Variants in OVOL2 observed in about 807,000 individuals in gnomAD.
OVOL2 encodes ovo like zinc finger 2.
A neutral mutation model predicts 18.1 loss-of-function variants in OVOL2; 13 were observed. The observed-to-expected ratio is 0.72, with a 90% confidence interval of 0.47 to 1.14. OVOL2 has a LOEUF of 1.14. Among genes scored for constraint, OVOL2 ranks in the 50% most tolerant of loss-of-function variants. The probability of loss-of-function intolerance (pLI) is 0.00; values close to 1 mark genes in which losing one functional copy is unlikely to be tolerated. For synonymous variants in OVOL2, 166 were observed against 162.7 expected (o/e 1.02, Z -0.16); for missense variants, 335 against 383.0 (o/e 0.87, Z 1.05).
At chr20:18,049,321 A>C (rs540439994) in intron 2 of OVOL2, among the ~76,000 whole-genome samples, 71 of 152,230 alleles carry the variant, frequency 4.7e-4, no homozygotes, top group African/African-American at 1.6e-3. Flanking sequence ...CAGATCATTC[A>C]CCTGTCAAAC....
intron 3 of OVOL2, 28 bp from the exon 4 acceptor site, chr20:18,024,980 T>C: frequency 5.0e-6 from 8 of 1,590,016 alleles, no homozygotes; most frequent in Non-Finnish European, 6.9e-6. Context: ...AGACACAGCA[T>C]CGGTTGGTCA....
intron 3 of OVOL2, among the ~76,000 whole-genome samples, chr20:18,036,731 C>T (rs2036618163): frequency 6.6e-6 from 1 of 152,076 alleles, no homozygotes; most frequent in Non-Finnish European, 1.5e-5. Flanking sequence ...CTCACACGCT[C>T]ACAGGCTCCT....
At chr20:18,036,994 G>A (rs930939743) in intron 3 of OVOL2, among the ~76,000 whole-genome samples, 5 of 151,918 alleles carry the variant, frequency 3.3e-5, no homozygotes, top group East Asian at 3.9e-4. Context: ...AAATTAGCCA[G>A]GCTTGGTAGC....
chr20:18,048,073 G>T (rs1022858581), intron 2 of OVOL2, among the ~76,000 whole-genome samples: 1 of 150,966 alleles, frequency 6.6e-6, no homozygotes, highest in Non-Finnish European at 1.5e-5. Flanking sequence ...GATCACCTGA[G>T]GTCAGGAGTT....
At chr20:18,026,526 C>T (rs1185694768) in intron 3 of OVOL2, among the ~76,000 whole-genome samples, 2 of 152,056 alleles carry the variant, frequency 1.3e-5, no homozygotes, top group Admixed American at 6.6e-5. Context: ...GAACTACAGG[C>T]ACCCGCCACC....
rs148938694 is a variant in OVOL2 at position 18,051,991 on chromosome 20, C to T, written c.321+4666G>A. 7.0e-3 allele frequency among the ~76,000 whole-genome samples: 1,068 copies of T among 152,280 alleles called. 8 individuals are homozygous for T. Among genetic ancestry groups the T allele is most frequent in the South Asian group, 0.027 (129 of 4,820 alleles). ...CTGACCTCAGGTGATCCGCCCGCCT[C>T]GGCCTCCCAAAGTGCTGGGATTACA... On this transcript the variant is annotated intron_variant, in intron 2 of 3. Transcript: ENST00000278780.
intron 2 of OVOL2, among the ~76,000 whole-genome samples, chr20:18,042,716 C>T (rs1010659636): frequency 2.2e-5 from 3 of 138,572 alleles, no homozygotes; most frequent in Non-Finnish European, 3.0e-5. Context: ...GCAAAGGTTG[C>T]GGTGAGCCAA....
intron 2 of OVOL2, among the ~76,000 whole-genome samples, chr20:18,051,632 CT>C (rs1273331102): frequency 6.6e-6 from 1 of 152,114 alleles, no homozygotes; most frequent in Non-Finnish European, 1.5e-5. Flanking sequence ...TCCAATAGAA[CT>C]TTTTGTGGTG....
chr20:18,024,621 T>G lies in OVOL2; in HGVS notation c.*15A>C. ...TACGTGGCAGTGTGAACGTCTGTCCTCCCCTTCCTTCTCCTCACTTCCTCT... is the reference window on the plus strand; with the variant it reads ...TACGTGGCAGTGTGAACGTCTGTCCGCCCCTTCCTTCTCCTCACTTCCTCT... On this transcript the variant is annotated 3_prime_UTR_variant, in exon 4 of 4. Transcript: ENST00000278780. 1 of 1,567,492 alleles carries G rather than the reference T, an allele frequency of 6.4e-7. No homozygotes were observed. Among genetic ancestry groups the G allele is most frequent in the Non-Finnish European group, 8.7e-7 (1 of 1,153,492 alleles).
intron 3 of OVOL2, among the ~76,000 whole-genome samples, chr20:18,033,603 C>T (rs11696215): frequency 0.099 from 15,119 of 152,224 alleles, 975 homozygotes; most frequent in South Asian, 0.21. Context: ...AAACACTTTC[C>T]ATAAACGCGG....
intron 3 of OVOL2, among the ~76,000 whole-genome samples, chr20:18,027,024 C>T (rs1490789228): frequency 6.6e-6 from 1 of 152,136 alleles, no homozygotes; most frequent in Admixed American, 6.5e-5. Context: ...GTGACGGGAT[C>T]ATCTGGACCT....
In OVOL2 at chr20:18,056,557, C is replaced by A; in HGVS notation, c.321+100G>T. The A allele has an allele frequency of 8.5e-7, 1 of 1,183,358 alleles. No homozygotes were observed. Among genetic ancestry groups the A allele is most frequent in the South Asian group, 4.1e-5 (1 of 24,510 alleles). The allele number at this position is 1,183,358 out of a possible 1,614,324, so 73.3% of individuals were successfully genotyped here. A position where few individuals can be genotyped will look rare whatever the true frequency, so the allele number is the denominator to read the frequency against. On this transcript the variant is annotated intron_variant, in intron 2 of 3. Coordinates refer to ENST00000278780, the MANE Select transcript of OVOL2 (RefSeq NM_021220.4). The surrounding 1 kb of genome is among the most constrained non-coding windows in gnomAD (Gnocchi z 4.2). ...GCGGGCGCGCTCGGGGCGCGGGTGC[C>A]GGGTTGCGCAGGCGGGCGCGGCAGG...
chr20:18,048,642 G>A (rs1170942351), intron 2 of OVOL2, among the ~76,000 whole-genome samples: 2 of 152,098 alleles, frequency 1.3e-5, no homozygotes, highest in Admixed American at 6.6e-5. Context: ...GGGGGGCGGC[G>A]GTTACAGTAA....
intron 3 of OVOL2, among the ~76,000 whole-genome samples, chr20:18,029,432 T>C (rs1401425126): frequency 6.6e-6 from 1 of 152,184 alleles, no homozygotes; most frequent in East Asian, 1.9e-4. Context: ...TGCAGCCAAG[T>C]ATGAAAACGA....
rs2036819804 is a variant in OVOL2, at chr20:18,056,003, C to T, written c.321+654G>A. On this transcript the variant is annotated intron_variant, in intron 2 of 3. Coordinates refer to ENST00000278780, the MANE Select transcript of OVOL2 (RefSeq NM_021220.4). This position sits in a 1 kb window ranked among gnomAD's most constrained non-coding sequence, Gnocchi z 4.2. ...GCGCGACCATAGATGGGAGGAAACA[C>T]TCCAATCCACTGGGGTAGGGGCGCT... Among the ~76,000 whole-genome samples the T allele has an allele frequency of 6.6e-6, 1 of 152,212 alleles. No individual in the cohort carries two copies. The highest frequency in any genetic ancestry group is 1.5e-5 in the Non-Finnish European group (1 of 68,040).
chr20:18,037,135 C>CAAA (rs762848266), intron 3 of OVOL2, among the ~76,000 whole-genome samples: 1 of 73,432 alleles, frequency 1.4e-5, no homozygotes, highest in African/African-American at 4.6e-5. Flanking sequence ...GACTCCGTCT[C>CAAA]AAAAAAAAAA....
intron 3 of OVOL2, 48 bp from the exon 4 acceptor site, chr20:18,025,000 CAGA>C: frequency 6.4e-7 from 1 of 1,559,464 alleles, no homozygotes; most frequent in Non-Finnish European, 8.7e-7. Flanking sequence ...ATGGCCAAGC[CAGA>C]ACCACCCAAC....
chr20:18,059,048 G>C (rs2036855362), upstream of OVOL2: 1 of 152,314 alleles, frequency 6.6e-6, no homozygotes, highest in African/African-American at 2.4e-5. Context: ...GGATGCCCTG[G>C]AGCCCAAGGC....
intron 3 of OVOL2, among the ~76,000 whole-genome samples, chr20:18,033,308 T>C (rs1172447436): frequency 6.6e-6 from 1 of 152,312 alleles, no homozygotes. Flanking sequence ...GACCTCAGAA[T>C]TGGAATTCCT....
Sources: gnomAD v4.1 joint callset for allele counts (sites outside exome capture counted in the v4.1 genomes callset) on GRCh38, gnomAD v4.1.1 for gene constraint, Gnocchi (gnomAD v3.1) non-coding constraint, MANE v1.5 for transcripts, NCBI Gene and HGNC (gene_info 2026-07-23, HGNC 2026-07-21) for gene names.